Variants in KDM4B observed in about 807,000 individuals in gnomAD.
KDM4B encodes lysine demethylase 4B.
A neutral mutation model predicts 125.2 loss-of-function variants in KDM4B; 32 were observed. The ratio of observed to expected loss-of-function variants is 0.26; its 90% CI spans 0.19 to 0.34. KDM4B has a LOEUF of 0.34. Ranked by LOEUF, KDM4B falls within the 10% of genes least tolerant of loss-of-function variation. The probability of loss-of-function intolerance (pLI) is 1.00; values close to 1 mark genes in which losing one functional copy is unlikely to be tolerated. For missense variants in KDM4B, 1,190 were observed against 1,577.7 expected (o/e 0.75, Z 4.16); for synonymous variants, 721 against 677.9 (o/e 1.06, Z -0.99).
intron 6 of KDM4B, 80 bp downstream of exon 6, chr19:5,047,749 C>A: frequency 1.4e-6 from 2 of 1,442,900 alleles, no homozygotes; most frequent in Non-Finnish European, 1.9e-6. Flanking sequence ...CACGGCTGGG[C>A]GCCGTGGCAG....
intron 9 of KDM4B, among the ~76,000 whole-genome samples, chr19:5,094,826 CTCAG>C (rs1240013279): frequency 6.6e-6 from 1 of 152,194 alleles, no homozygotes; most frequent in African/African-American, 2.4e-5. Context: ...CCCTCCACTC[CTCAG>C]TCAGGCCAGC....
intron 11 of KDM4B, among the ~76,000 whole-genome samples, chr19:5,130,367 G>A (rs183995392): frequency 7.2e-5 from 11 of 151,992 alleles, no homozygotes; most frequent in South Asian, 4.2e-4. Context: ...CTGCAAACCC[G>A]TCCTGGCCCC....
rs905653976 is a variant in KDM4B, at chr19:5,145,051, C to CTG, written c.3021+150_3021+151dup. ...GGTTAGTGAGGCCCGCAGGACCCAG[C>CTG]TGAGCCTTGGCTCGCCTGCCTAAGT... On this transcript the variant is annotated intron_variant, in intron 21 of 22. Coordinates refer to ENST00000159111, the MANE Select transcript of KDM4B (RefSeq NM_015015.3). 31 of 1,012,022 alleles carry CTG rather than the reference C, an allele frequency of 3.1e-5. No homozygotes were observed. In the African/African-American group the frequency reaches 5.0e-4, roughly 16 times the overall value. 62.7% of individuals were successfully genotyped at this position (1,012,022 alleles called of 1,614,324 possible).
chr19:5,017,893 A>C (rs2035942745), intron 2 of KDM4B, among the ~76,000 whole-genome samples: 1 of 150,182 alleles, frequency 6.7e-6, no homozygotes, highest in Non-Finnish European at 1.5e-5. Flanking sequence ...CGAGCCTGCC[A>C]CCACGCCCGG....
chr19:4,999,957 C>T (rs1382051846), intron 1 of KDM4B, among the ~76,000 whole-genome samples: 2 of 146,904 alleles, frequency 1.4e-5, no homozygotes, highest in Non-Finnish European at 3.0e-5. Context: ...ATCCATCCAC[C>T]CATTTACTCA....
chr19:5,135,606 G>C, intron 15 of KDM4B, 45 bp downstream of exon 15: 1 of 1,485,670 alleles, frequency 6.7e-7, no homozygotes, highest in Non-Finnish European at 9.1e-7. Context: ...CCTCCTTCAG[G>C]GTGTTGGTGG....
chr19:5,128,884 G>A (rs2039495915), intron 11 of KDM4B, among the ~76,000 whole-genome samples: 1 of 151,414 alleles, frequency 6.6e-6, no homozygotes, highest in South Asian at 2.1e-4. Flanking sequence ...ATATAACAGC[G>A]GGGGGCCCGG....
intron 5 of KDM4B, among the ~76,000 whole-genome samples, chr19:5,044,663 T>C (rs906863535): frequency 2.0e-5 from 3 of 152,144 alleles, no homozygotes; most frequent in African/African-American, 7.2e-5. Flanking sequence ...TTCTCCTGCC[T>C]CAGCCTCCCG....
At chr19:5,108,486 G>T (rs1002149189) in intron 9 of KDM4B, among the ~76,000 whole-genome samples, 4 of 152,120 alleles carry the variant, frequency 2.6e-5, no homozygotes, top group Non-Finnish European at 4.4e-5. Context: ...TGGGTAAGGT[G>T]GGGGGAGGCA....
intron 6 of KDM4B, among the ~76,000 whole-genome samples, chr19:5,061,527 A>C (rs1446509803): frequency 6.6e-6 from 1 of 152,190 alleles, no homozygotes; most frequent in Non-Finnish European, 1.5e-5. Flanking sequence ...CAAATGAGGG[A>C]GGTGGCCTTT....
At chr19:5,041,099 C>T (rs777436591) in intron 4 of KDM4B, 38 bp from the exon 5 acceptor site, 2 of 1,428,822 alleles carry the variant, frequency 1.4e-6, no homozygotes, top group African/African-American at 2.8e-5. Flanking sequence ...AGCACCCAGG[C>T]CTCACCCTGA....
intron 6 of KDM4B, among the ~76,000 whole-genome samples, chr19:5,058,951 G>A (rs899835660): frequency 5.3e-5 from 8 of 152,364 alleles, no homozygotes; most frequent in East Asian, 1.9e-4. Flanking sequence ...ATCACTGGGC[G>A]TGAATTCCCA....
At chr19:5,066,567 T>G (rs988985635) in intron 6 of KDM4B, among the ~76,000 whole-genome samples, 3 of 152,202 alleles carry the variant, frequency 2.0e-5, no homozygotes, top group African/African-American at 4.8e-5. Context: ...TCTCTCCCAT[T>G]GTTTTATTTT....
intron 6 of KDM4B, among the ~76,000 whole-genome samples, chr19:5,048,060 C>T (rs2037085279): frequency 6.6e-6 from 1 of 152,232 alleles, no homozygotes; most frequent in African/African-American, 2.4e-5. Flanking sequence ...CCAGAGGGGC[C>T]TGGCCAGGAT....
At chr19:5,110,937 T>G (rs2039131390) in intron 10 of KDM4B, 119 bp downstream of exon 10, 1 of 751,882 alleles carries the variant, frequency 1.3e-6, no homozygotes, top group African/African-American at 1.8e-5. Flanking sequence ...CCTCCCTTTC[T>G]TCCTATTCCC....
Position 5,115,745 on chromosome 19 carries a change from A to G in KDM4B, c.1116-3908A>G, listed in dbSNP as rs2039242537. ...GGAAAAAGAGCCATTGCTGTGAAGA[A>G]GAAACATTCCAGGAACGAGTGGCTC... On this transcript the variant is annotated intron_variant, in intron 10 of 22. Coordinates refer to ENST00000159111, the MANE Select transcript of KDM4B (RefSeq NM_015015.3). This position sits in a 1 kb window ranked among gnomAD's most constrained non-coding sequence, Gnocchi z 4.2. Among the ~76,000 whole-genome samples the G allele has an allele frequency of 6.6e-6, 1 of 152,230 alleles. No individual in the cohort carries two copies. The highest frequency in any genetic ancestry group is 6.5e-5 in the Admixed American group (1 of 15,288).
At chr19:5,030,999 C>T (rs1185770941) in intron 2 of KDM4B, among the ~76,000 whole-genome samples, 1 of 152,208 alleles carries the variant, frequency 6.6e-6, no homozygotes, top group Non-Finnish European at 1.5e-5. Context: ...GCCTTGGCAG[C>T]TCCCATCGTG....
At position 5,077,398 on chromosome 19, in the gene KDM4B, C is replaced by T; in HGVS notation, c.708C>T (p.Asp236=). 9 of 1,613,194 alleles carry T rather than the reference C, an allele frequency of 5.6e-6. No individual in the cohort carries two copies. The highest frequency in any genetic ancestry group is 2.2e-5 in the East Asian group (1 of 44,884). Residue 236 remains aspartate, a synonymous_variant, in exon 8 of 23, where the codon GAC becomes GAT. Transcript: ENST00000159111. ...TCCCCGGGAGCTCGCAGGGCTGCGA[C>T]GCCTTCCTGCGGCATAAGATGACCC... is the stretch of plus-strand genomic sequence containing the variant. ...GFFPGSSQGC[D]AFLRHKMTLI...
At chr19:4,987,066 C>G (rs1364185478) in intron 1 of KDM4B, among the ~76,000 whole-genome samples, 1 of 151,912 alleles carries the variant, frequency 6.6e-6, no homozygotes, top group Non-Finnish European at 1.5e-5. Flanking sequence ...TCAAGCGATT[C>G]TCCTGCCTCA....
Sources: gnomAD v4.1 joint callset for allele counts (sites outside exome capture counted in the v4.1 genomes callset) on GRCh38, gnomAD v4.1.1 for gene constraint, Gnocchi (gnomAD v3.1) non-coding constraint, MANE v1.5 for transcripts, NCBI Gene and HGNC (gene_info 2026-07-23, HGNC 2026-07-21) for gene names.